ZZEF1: variants seen among roughly 807,000 people sequenced by gnomAD.
The protein encoded by ZZEF1 is zinc finger ZZ-type and EF-hand domain containing 1.
Under a neutral mutation model 342.8 loss-of-function variants are expected in ZZEF1, and 157 were observed. The observed-to-expected ratio is 0.46, with a 90% CI of 0.40 to 0.52. The LOEUF (loss-of-function observed/expected upper bound fraction) is 0.52. ZZEF1 is among the 20% of genes least tolerant of loss of function. The pLI is 0.00. For synonymous variants in ZZEF1, 1,505 were observed against 1,429.1 expected (o/e 1.05, Z -1.20); for missense variants, 3,480 against 3,725.6 (o/e 0.93, Z 1.72).
At chr17:4,058,755 A>T (rs189003521) in intron 31 of ZZEF1, among the ~76,000 whole-genome samples, 113 of 152,322 alleles carry the variant, frequency 7.4e-4, no homozygotes, top group Non-Finnish European at 5.9e-5. Flanking sequence ...ATGCACCTGC[A>T]GTCCCAACTA....
chr17:4,077,485 C>T (rs1264755545), intron 19 of ZZEF1, among the ~76,000 whole-genome samples: 1 of 152,166 alleles, frequency 6.6e-6, no homozygotes, highest in African/African-American at 2.4e-5. Context: ...TCTAATTATT[C>T]TCGGTAATCA....
At position 4,006,731 on chromosome 17, in the gene ZZEF1, G is replaced by A; in HGVS notation, c.*159C>T. The A allele has an allele frequency of 1.4e-6, 1 of 737,022 alleles. No homozygotes were observed. The highest frequency in any genetic ancestry group is 3.5e-4 in the Middle Eastern group (1 of 2,878). 45.7% of individuals were successfully genotyped at this position (737,022 alleles called of 1,614,324 possible). ...TGTGCTTGTGTCCAGCCTACGCACG[G>A]GAGCTCTTGGAGACGTGGCTGCTTG... On this transcript the variant is annotated 3_prime_UTR_variant, in exon 55 of 55. Transcript: ENST00000381638.
intron 30 of ZZEF1, among the ~76,000 whole-genome samples, chr17:4,062,018 A>C (rs1347238727): frequency 6.6e-6 from 1 of 152,164 alleles, no homozygotes; most frequent in Admixed American, 6.5e-5. Context: ...AATACTTTAC[A>C]GTGATAAGGG....
chr17:4,073,560 C>CA (rs2057551400), intron 24 of ZZEF1, among the ~76,000 whole-genome samples: 1 of 152,112 alleles, frequency 6.6e-6, no homozygotes. Flanking sequence ...CTCAGCCTCC[C>CA]AAGTAGCTGA....
At position 4,050,004 on chromosome 17, in the gene ZZEF1, T is replaced by A. The variant is rs981380370; in HGVS notation, c.5864-145A>T. 7 of 849,204 alleles carry A rather than the reference T, an allele frequency of 8.2e-6. 1 individual carries two copies. The highest frequency in any genetic ancestry group is 1.7e-5 in the African/African-American group (1 of 57,814). The allele number at this position is 849,204 out of a possible 1,614,324, so 52.6% of individuals were successfully genotyped here. On this transcript the variant is annotated intron_variant, in intron 36 of 54. Coordinates refer to ENST00000381638, the MANE Select transcript of ZZEF1 (RefSeq NM_015113.4). Reference sequence around the variant, plus strand: ...AATCCTAGAGGACTCAACGTGAACATCCCTCGCTGTCTAAATCTACTCAGC... The same window carrying A: ...AATCCTAGAGGACTCAACGTGAACAACCCTCGCTGTCTAAATCTACTCAGC...
rs779999888 is a variant in ZZEF1, at chr17:4,077,973, C to T, written c.2899G>A (p.Val967Ile). The T allele has an allele frequency of 1.3e-5, 21 of 1,614,016 alleles. No individual in the cohort carries two copies. The highest frequency in any genetic ancestry group is 3.3e-5 in the Admixed American group (2 of 60,008). Residue 967 changes from valine to isoleucine, a missense_variant, in exon 19 of 55, where the codon GTC becomes ATC. Physicochemically the swap from Val to Ile is conservative, Grantham distance 29. This residue lies in a region of ZZEF1 where 1,528 missense variants were observed against 1,624.1 expected (regional missense o/e 0.94). Coordinates refer to ENST00000381638, the MANE Select transcript of ZZEF1 (RefSeq NM_015113.4). ...CACCAGGATAGCAGGCTGCCTTGGA[C>T]GGACCAGAACAGGGAGAAGAGCACA... Reference protein sequence around the residue: ...GSVLFSLFWSVQGSLLSWCYL... With the variant: ...GSVLFSLFWSIQGSLLSWCYL...
At chr17:4,123,440 T>A (rs923901839) in intron 2 of ZZEF1, among the ~76,000 whole-genome samples, 21 of 151,370 alleles carry the variant, frequency 1.4e-4, no homozygotes, top group African/African-American at 5.1e-4. Flanking sequence ...AACCACTAAG[T>A]GCTTACCACA....
Position 4,016,328 on chromosome 17 carries a change from A to G in ZZEF1, c.8140T>C (p.Phe2714Leu), listed in dbSNP as rs1046466030. 1 of 1,613,530 alleles carries G rather than the reference A, an allele frequency of 6.2e-7. No homozygotes were observed. Among genetic ancestry groups the G allele is most frequent in the Non-Finnish European group, 8.5e-7 (1 of 1,179,780 alleles). Residue 2714 changes from phenylalanine to leucine, a missense_variant, in exon 49 of 55, where the codon TTC (phenylalanine) becomes CTC (leucine). Physicochemically the swap from Phe to Leu is conservative, Grantham distance 22 (BLOSUM62 0). This residue lies in a region of ZZEF1 where 1,269 missense variants were observed against 1,342.4 expected (regional missense o/e 0.95). Coordinates refer to ENST00000381638, the MANE Select transcript of ZZEF1 (RefSeq NM_015113.4). This position sits in a 1 kb window ranked among gnomAD's most constrained non-coding sequence, Gnocchi z 4.4. ...SKHPYNNNTN[F>L]EDKVHIPGAI... ...CCTGCCGGCCCCAGGCTTACCTCGA[A>G]GTTGGTGTTGTTGTTATACGGGTGT...
chr17:4,094,470 C>T (rs1467493737), intron 11 of ZZEF1, among the ~76,000 whole-genome samples: 1 of 152,040 alleles, frequency 6.6e-6, no homozygotes, highest in Non-Finnish European at 1.5e-5. Context: ...TTTAAATTAT[C>T]GTTTAAATGC....
intron 2 of ZZEF1, among the ~76,000 whole-genome samples, chr17:4,123,434 A>T (rs1339766650): frequency 6.6e-6 from 1 of 151,682 alleles, no homozygotes; most frequent in Non-Finnish European, 1.5e-5. Flanking sequence ...TTAAAAAACC[A>T]CTAAGTGCTT....
intron 34 of ZZEF1, among the ~76,000 whole-genome samples, chr17:4,052,824 G>A (rs1185285692): frequency 2.0e-5 from 3 of 148,456 alleles, no homozygotes; most frequent in Non-Finnish European, 1.5e-5. Context: ...CTGAGATGGT[G>A]CCACTGTACT....
intron 54 of ZZEF1, 32 bp from the exon 55 acceptor site, chr17:4,007,002 C>A: frequency 1.9e-6 from 3 of 1,544,924 alleles, no homozygotes; most frequent in Middle Eastern, 1.7e-4. Context: ...TCGCCAATGT[C>A]GGGAGCCACT....
At chr17:4,113,219 T>C (rs1195977349) in intron 4 of ZZEF1, among the ~76,000 whole-genome samples, 1 of 152,166 alleles carries the variant, frequency 6.6e-6, no homozygotes, top group Non-Finnish European at 1.5e-5. Context: ...GGCACTTAAT[T>C]CTACCAATTG....
intron 30 of ZZEF1, among the ~76,000 whole-genome samples, chr17:4,061,622 C>A (rs1342545754): frequency 6.6e-6 from 1 of 152,022 alleles, no homozygotes; most frequent in Admixed American, 6.5e-5. Context: ...TTGATTTTCA[C>A]CCCCATCTGT....
Position 4,044,276 on chromosome 17 carries a change from C to T in ZZEF1, c.6114G>A (p.Gln2038=), listed in dbSNP as rs778836705. ...GVSLSKDPSC[Q]TQISDSPADA... ...CTGCAGGTGAATCTGAAATTTGGGT[C>T]TGGCATGAAGGATCCTTCGATAATG... Residue 2038 remains glutamine (Q), a synonymous_variant, in exon 38 of 55, where the codon CAG becomes CAA. Coordinates refer to ENST00000381638, the MANE Select transcript of ZZEF1 (RefSeq NM_015113.4). 2.4e-5 allele frequency: 38 copies of T among 1,614,194 alleles called. No homozygotes were observed. Among genetic ancestry groups the T allele is most frequent in the Non-Finnish European group, 3.1e-5 (36 of 1,180,022 alleles).
intron 42 of ZZEF1, 46 bp from the exon 43 acceptor site, chr17:4,025,164 T>G: frequency 6.4e-7 from 1 of 1,571,706 alleles, no homozygotes; most frequent in East Asian, 2.2e-5. Context: ...AAAAGTACAG[T>G]TCATGCTTCC....
Position 4,070,697 on chromosome 17 carries a change from C to T in ZZEF1, c.4062G>A (p.Lys1354=). ...LVYRTPDLYE[K]LQKYVNSGGK... is the part of the protein sequence containing the mutation. ...TAATAAAGTTACCATATTTTTGCAG[C>T]TTCTCATATAAATCTGGAGTGCGAT... is the stretch of plus-strand genomic sequence containing the variant. Residue 1354 remains lysine, a synonymous_variant, in exon 26 of 55, where the codon AAG becomes AAA. Coordinates refer to ENST00000381638, the MANE Select transcript of ZZEF1 (RefSeq NM_015113.4). The T allele has an allele frequency of 6.2e-7, 1 of 1,612,738 alleles. No homozygotes were observed. The highest frequency in any genetic ancestry group is 8.5e-7 in the Non-Finnish European group (1 of 1,179,514).
At position 4,025,084 on chromosome 17, in the gene ZZEF1, T is replaced by C. The variant is rs780424413; in HGVS notation, c.6927A>G (p.Gly2309=). The change falls in exon 43 of 55, where the codon GGA becomes GGG. Residue 2309 remains glycine (G), a synonymous_variant. Transcript: ENST00000381638. ...KDYQLVQKGG[G]QECGDSRAQL... is the part of the protein sequence containing the mutation. ...GGGCCCGAGAGTCACCACACTCTTG[T>C]CCTCCTCCCTTCTGGACCAGCTGGT... 9 of 1,614,026 alleles carry C rather than the reference T, an allele frequency of 5.6e-6. No individual in the cohort carries two copies. The highest frequency in any genetic ancestry group is 1.3e-5 in the African/African-American group (1 of 74,900).
At chr17:4,111,191 CAT>C (rs1005126078) in intron 5 of ZZEF1, among the ~76,000 whole-genome samples, 6 of 150,076 alleles carry the variant, frequency 4.0e-5, no homozygotes, top group African/African-American at 1.2e-4. Flanking sequence ...GATATGTGTG[CAT>C]ATATGTGTGT....
Sources: allele counts gnomAD v4.1 joint callset (sites outside exome capture counted in the v4.1 genomes callset), GRCh38; gene constraint gnomAD v4.1.1; regional missense constraint gnomAD v4.1.1; non-coding constraint Gnocchi (gnomAD v3.1); transcripts MANE v1.5; gene names NCBI Gene and HGNC (gene_info 2026-07-23, HGNC 2026-07-21).